SCN9A: variants seen among roughly 807,000 people sequenced by gnomAD.
SCN9A encodes the protein sodium voltage-gated channel alpha subunit 9, also known as sodium channel protein type 9 subunit alpha.
Under a neutral mutation model 187.0 loss-of-function variants are expected in SCN9A, and 131 were observed. That is an observed-to-expected ratio of 0.70 (90% CI 0.61 to 0.81). The LOEUF is 0.81. Among genes scored for constraint, SCN9A ranks in the 30% least tolerant of loss-of-function variants. SCN9A has a pLI of 0.00. For synonymous variants in SCN9A, 809 were observed against 808.6 expected, an observed-to-expected ratio of 1.00 and a Z score of -0.01; for missense variants, 2,252 against 2,396.6, an observed-to-expected ratio of 0.94 and a Z score of 1.26.
At chr2:166,331,295 T>C (rs1050689929) in intron 1 of SCN9A, among the ~76,000 whole-genome samples, 2 of 152,142 alleles carry the variant, frequency 1.3e-5, no homozygotes, top group Admixed American at 1.3e-4. Flanking sequence ...TGTGTGTATG[T>C]TCATTACTGA....
At chr2:166,336,642 G>A (rs1310853896) in intron 1 of SCN9A, among the ~76,000 whole-genome samples, 1 of 152,044 alleles carries the variant, frequency 6.6e-6, no homozygotes, top group Non-Finnish European at 1.5e-5. Flanking sequence ...GGCTCTAATT[G>A]CTTTGTTTAC....
chr2:166,303,014 C>A, intron 7 of SCN9A, 76 bp downstream of exon 7: 1 of 1,110,606 alleles, frequency 9.0e-7, no homozygotes, highest in Non-Finnish European at 1.3e-6. Flanking sequence ...AAAATGAAAG[C>A]AACATTTCAT....
intron 18 of SCN9A, among the ~76,000 whole-genome samples, chr2:166,244,726 T>C (rs1695712609): frequency 6.6e-6 from 1 of 151,998 alleles, no homozygotes. Flanking sequence ...GCCTATTCTA[T>C]CTGGATGGTG....
At chr2:166,316,205 T>C (rs1699103077) in intron 1 of SCN9A, among the ~76,000 whole-genome samples, 1 of 152,064 alleles carries the variant, frequency 6.6e-6, no homozygotes, top group South Asian at 2.1e-4. Context: ...AACATAATTA[T>C]CTAAAAATAC....
At chr2:166,273,776 T>C (rs1280277702) in intron 16 of SCN9A, among the ~76,000 whole-genome samples, 1 of 152,146 alleles carries the variant, frequency 6.6e-6, no homozygotes, top group Non-Finnish European at 1.5e-5. Context: ...GATGTAAGTC[T>C]TTTCATGGCC....
chr2:166,222,951 A>AC (rs1694672487), intron 24 of SCN9A, among the ~76,000 whole-genome samples: 15 of 118,504 alleles, frequency 1.3e-4, no homozygotes, highest in South Asian at 9.9e-4. Flanking sequence ...ACAACAAAAA[A>AC]AAAAAAAAAA....
intron 16 of SCN9A, among the ~76,000 whole-genome samples, chr2:166,273,219 T>C (rs2106462196): frequency 6.6e-6 from 1 of 152,276 alleles, no homozygotes; most frequent in East Asian, 1.9e-4. Context: ...AGTTCTCTTT[T>C]ATGAACCCAA....
chr2:166,243,792 G>A (rs952045100), intron 18 of SCN9A, among the ~76,000 whole-genome samples: 9 of 151,956 alleles, frequency 5.9e-5, no homozygotes, highest in East Asian at 1.9e-4. Flanking sequence ...AGCAGGGAAC[G>A]AGATACGCAA....
chr2:166,224,184 T>C (rs1416606241), intron 24 of SCN9A, among the ~76,000 whole-genome samples: 3 of 152,178 alleles, frequency 2.0e-5, no homozygotes, highest in Non-Finnish European at 4.4e-5. Context: ...ATTTATCCTA[T>C]GCAGGGAAGA....
rs758527549 is a variant in SCN9A at position 166,306,960 on chromosome 2, G to A, written c.373C>T (p.His125Tyr). 7 of 1,525,562 alleles carry A rather than the reference G, an allele frequency of 4.6e-6. No individual in the cohort carries two copies. The highest frequency in any genetic ancestry group is 1.1e-5 in the South Asian group (1 of 88,198). 94.5% of individuals were successfully genotyped at this position (1,525,562 alleles called of 1,614,324 possible). ...TAATCATTTTTAAAAGGATATGAGT[G>A]TACTAAAATCTTAATAGATATTCTT... ...LRRISIKILV[H>Y]SLFSMLIMCT... is the part of the protein sequence containing the mutation. Residue 125 changes from histidine to tyrosine, a missense_variant, in exon 3 of 27, where the codon CAC becomes TAC. Physicochemically the swap from His to Tyr is moderately conservative, Grantham distance 83. Around this residue, in one of 7 missense-constraint regions of SCN9A, gnomAD observed 1,013 missense variants for 997.4 expected, o/e 1.02. Coordinates refer to ENST00000642356, the MANE Select transcript of SCN9A (RefSeq NM_001365536.1).
At chr2:166,338,195 C>T (rs1043279754) in intron 1 of SCN9A, among the ~76,000 whole-genome samples, 1 of 152,008 alleles carries the variant, frequency 6.6e-6, no homozygotes, top group African/African-American at 2.4e-5. Context: ...TGGGAGTTGC[C>T]CTGCTTCAAA....
intron 17 of SCN9A, among the ~76,000 whole-genome samples, chr2:166,256,141 A>G (rs1381122341): frequency 6.6e-6 from 1 of 151,062 alleles, no homozygotes; most frequent in African/African-American, 2.4e-5. Flanking sequence ...AACAAAAATA[A>G]CCTTTCTTCT....
chr2:166,273,967 G>A (rs1450958073), intron 16 of SCN9A, among the ~76,000 whole-genome samples: 1 of 152,096 alleles, frequency 6.6e-6, no homozygotes, highest in Non-Finnish European at 1.5e-5. Flanking sequence ...GGAGGTCTGG[G>A]AATCATAGTG....
In SCN9A at chr2:166,199,818, G is replaced by A. The variant is rs1693396225; in HGVS notation, c.4821C>T (p.Thr1607=). The A allele has an allele frequency of 1.9e-6, 3 of 1,613,760 alleles. No homozygotes were observed. The highest frequency in any genetic ancestry group is 1.1e-5 in the South Asian group (1 of 91,048). The change falls in exon 27 of 27, where the codon ACC becomes ACT. Residue 1607 remains threonine, a synonymous_variant. Coordinates refer to ENST00000642356, the MANE Select transcript of SCN9A (RefSeq NM_001365536.1). ...DLIETYFVSP[T]LFRVIRLARI... ...TGGCAAGACGGATCACTCGGAACAG[G>A]GTAGGGGACACAAAATACGTTTCAA...
chr2:166,207,734 T>C (rs1162269522), intron 24 of SCN9A, among the ~76,000 whole-genome samples: 1 of 152,106 alleles, frequency 6.6e-6, no homozygotes, highest in South Asian at 2.1e-4. Context: ...AGCCACCATA[T>C]CCGGCCACCT....
At chr2:166,308,017 C>G (rs552722759) in intron 2 of SCN9A, among the ~76,000 whole-genome samples, 2 of 152,294 alleles carry the variant, frequency 1.3e-5, no homozygotes, top group African/African-American at 4.8e-5. Context: ...GTCTGTGAGT[C>G]AGGCTTTTTA....
Position 166,238,152 on chromosome 2 carries a change from T to C in SCN9A, c.3743A>G (p.Tyr1248Cys). The C allele has an allele frequency of 1.2e-6, 2 of 1,611,370 alleles. No individual in the cohort carries two copies. Among genetic ancestry groups the C allele is most frequent in the Non-Finnish European group, 1.7e-6 (2 of 1,178,442 alleles). Residue 1248 changes from tyrosine to cysteine, a missense_variant, in exon 20 of 27, where the codon TAT becomes TGT. This residue lies in a region of SCN9A where 10 missense variants were observed against 27.8 expected (regional missense o/e 0.36). Coordinates refer to ENST00000642356, the MANE Select transcript of SCN9A (RefSeq NM_001365536.1). The part of the protein sequence containing the change: ...ILEMLLKWIA[Y>C]GYKTYFTNAW... ...ATTGGTGAAATATGTTTTATAACCA[T>C]ATGCTATCCATTTTAGAAGCATTTC...
chr2:166,293,194 A>G lies in SCN9A; in HGVS notation c.1107+37T>C, dbSNP rs1218932256. On this transcript the variant is annotated intron_variant, in intron 9 of 26. Coordinates refer to ENST00000642356, the MANE Select transcript of SCN9A (RefSeq NM_001365536.1). ...TTAACATACACCAGGTACATATGCC[A>G]TTCAAAAATACAATGCATGTTTCTC... The G allele has an allele frequency of 1.9e-6, 3 of 1,555,002 alleles. No individual in the cohort carries two copies. The South Asian group carries it at 3.5e-5, about 18-fold the overall frequency.
chr2:166,198,577 T>TA lies in SCN9A; in HGVS notation c.*94dup. The TA allele has an allele frequency of 1.1e-6, 1 of 947,966 alleles. No homozygotes were observed. Among genetic ancestry groups the TA allele is most frequent in the African/African-American group, 1.7e-5 (1 of 60,100 alleles). 58.7% of individuals were successfully genotyped at this position (947,966 alleles called of 1,614,324 possible). A position where few individuals can be genotyped will look rare whatever the true frequency, so the allele number is the denominator to read the frequency against. ...TGCACTGCCTTCGAGAATATTTTGA[T>TA]AAAAAGGATTTTGGCATAGACTTCC... On this transcript the variant is annotated 3_prime_UTR_variant, in exon 27 of 27. Coordinates refer to ENST00000642356, the MANE Select transcript of SCN9A (RefSeq NM_001365536.1).
Sources: gnomAD v4.1 joint callset for allele counts (sites outside exome capture counted in the v4.1 genomes callset) on GRCh38, gnomAD v4.1.1 for gene constraint, gnomAD v4.1.1 regional missense constraint, MANE v1.5 for transcripts, NCBI Gene and HGNC (gene_info 2026-07-23, HGNC 2026-07-21) for gene names.